NXPE4: variants seen among roughly 807,000 people sequenced by gnomAD.
The protein encoded by NXPE4 is NXPE family member 4.
NXPE4 carries 42 observed loss-of-function variants against 33.3 expected under a neutral mutation model. The observed-to-expected ratio is 1.26, with a 90% CI of 0.98 to 1.63. The LOEUF (loss-of-function observed/expected upper bound fraction) is 1.63, where lower values mean the gene tolerates loss of function less well. Ranked by LOEUF, NXPE4 falls within the 40% of genes most tolerant of loss-of-function variation. The pLI, the probability that NXPE4 is intolerant of heterozygous loss-of-function variation, is 0.00. For synonymous variants in NXPE4, 253 were observed against 234.9 expected, an observed-to-expected ratio of 1.08 and a Z score of -0.71; for missense variants, 709 against 647.6, an observed-to-expected ratio of 1.09 and a Z score of -1.03.
the NXPE4 span, among the ~76,000 whole-genome samples, chr11:114,661,661 A>G: frequency 1.3e-5 from 2 of 152,316 alleles, no homozygotes; most frequent in African/African-American, 4.8e-5. Flanking sequence ...AGGATTTTGC[A>G]TTATCTGTAT....
the NXPE4 span, among the ~76,000 whole-genome samples, chr11:114,644,270 G>A: frequency 5.3e-5 from 8 of 152,068 alleles, no homozygotes; most frequent in Non-Finnish European, 1.0e-4. Context: ...TGATTTCCCT[G>A]GCCAGAACTT....
At chr11:114,659,492 G>A in the NXPE4 span, among the ~76,000 whole-genome samples, 1 of 150,888 alleles carries the variant, frequency 6.6e-6, no homozygotes, top group African/African-American at 2.4e-5. Flanking sequence ...CCCTAGAGAT[G>A]TGAAATAATA....
chr11:114,648,083 G>A, the NXPE4 span, among the ~76,000 whole-genome samples: 2 of 152,070 alleles, frequency 1.3e-5, no homozygotes, highest in Non-Finnish European at 2.9e-5. Flanking sequence ...TCTTTGCCCT[G>A]GTTCCTGAGA....
chr11:114,592,735 A>G (rs530779390), intron 2 of NXPE4, among the ~76,000 whole-genome samples: 1 of 152,306 alleles, frequency 6.6e-6, no homozygotes, highest in East Asian at 1.9e-4. Flanking sequence ...AATTCTGAGC[A>G]AAAAGAACAA....
rs145976621 is a variant in NXPE4, at chr11:114,583,228, G to T, written c.97-207C>A. ...AGAATGGAGATTGACTGACAGGAGA[G>T]ACAGAGGGACAGGAAGTGAGCAAGA... is the stretch of plus-strand genomic sequence containing the variant. On this transcript the variant is annotated intron_variant, in intron 2 of 5. Transcript: ENST00000375478. 2.9e-3 allele frequency: 2,006 copies of T among 692,492 alleles called. 14 individuals carry two copies. The highest frequency in any genetic ancestry group is 0.013 in the Middle Eastern group (50 of 3,844). 42.9% of individuals were successfully genotyped at this position (692,492 alleles called of 1,614,324 possible).
intron 2 of NXPE4, among the ~76,000 whole-genome samples, chr11:114,592,562 T>G (rs1327050261): frequency 6.6e-6 from 1 of 151,788 alleles, no homozygotes; most frequent in Non-Finnish European, 1.5e-5. Context: ...AGATATTCCA[T>G]GTTAATGGGT....
chr11:114,668,778 A>AT, the NXPE4 span, among the ~76,000 whole-genome samples: 1 of 152,132 alleles, frequency 6.6e-6, no homozygotes, highest in Admixed American at 6.6e-5. Context: ...TTAGGACAGC[A>AT]TTTTTGGAAT....
chr11:114,599,023 T>C (rs970385117), upstream of NXPE4, among the ~76,000 whole-genome samples: 1 of 152,238 alleles, frequency 6.6e-6, no homozygotes, highest in Non-Finnish European at 1.5e-5. Context: ...TCCAAACTTT[T>C]ATACTTTGCT....
chr11:114,625,323 C>A, the NXPE4 span, among the ~76,000 whole-genome samples: 6 of 151,236 alleles, frequency 4.0e-5, no homozygotes, highest in African/African-American at 1.5e-4. Flanking sequence ...AAGTGTTGCA[C>A]TGTGGGTAAC....
the NXPE4 span, among the ~76,000 whole-genome samples, chr11:114,632,977 T>G: frequency 1.9e-5 from 2 of 103,714 alleles, no homozygotes; most frequent in Non-Finnish European, 3.4e-5. Flanking sequence ...TATTATATAT[T>G]ATATATTTTT....
At chr11:114,622,853 G>A in the NXPE4 span, among the ~76,000 whole-genome samples, 1 of 151,660 alleles carries the variant, frequency 6.6e-6, no homozygotes, top group Non-Finnish European at 1.5e-5. Context: ...ATTGCTTCAT[G>A]GGATACCACT....
chr11:114,629,619 G>T, the NXPE4 span, among the ~76,000 whole-genome samples: 1 of 151,978 alleles, frequency 6.6e-6, no homozygotes, highest in Non-Finnish European at 1.5e-5. Context: ...ACAAGACAGG[G>T]ATGCCCTCTC....
chr11:114,641,351 T>C, the NXPE4 span, among the ~76,000 whole-genome samples: 3 of 152,016 alleles, frequency 2.0e-5, no homozygotes, highest in Non-Finnish European at 4.4e-5. Flanking sequence ...CAAGTACACA[T>C]GAAACCCAAA....
At chr11:114,624,957 ACT>A in the NXPE4 span, among the ~76,000 whole-genome samples, 1 of 152,122 alleles carries the variant, frequency 6.6e-6, no homozygotes, top group East Asian at 1.9e-4. Context: ...GTGAGTAACC[ACT>A]GTCACCTTGT....
chr11:114,634,924 T>G, the NXPE4 span, among the ~76,000 whole-genome samples: 1 of 152,066 alleles, frequency 6.6e-6, no homozygotes, highest in African/African-American at 2.4e-5. Flanking sequence ...TTCTTTTGGC[T>G]TAGGATGAAC....
chr11:114,637,709 T>G, the NXPE4 span, among the ~76,000 whole-genome samples: 3 of 151,274 alleles, frequency 2.0e-5, no homozygotes, highest in Non-Finnish European at 4.4e-5. Flanking sequence ...ATTGTATTTC[T>G]CCTTCACTTA....
chr11:114,615,658 G>A, the NXPE4 span, among the ~76,000 whole-genome samples: 12 of 151,638 alleles, frequency 7.9e-5, no homozygotes, highest in Admixed American at 7.2e-4. Context: ...GGTAACCACT[G>A]TTACCCGATG....
intron 2 of NXPE4, among the ~76,000 whole-genome samples, chr11:114,594,262 T>G (rs1949527867): frequency 6.6e-6 from 1 of 152,188 alleles, no homozygotes; most frequent in South Asian, 2.1e-4. Flanking sequence ...TACTATGTAT[T>G]ATATGCTTGT....
At chr11:114,635,846 G>A in the NXPE4 span, among the ~76,000 whole-genome samples, 1 of 152,072 alleles carries the variant, frequency 6.6e-6, no homozygotes. Flanking sequence ...GCTTTTTGAT[G>A]TGTTGCTGTA....
Sources: allele counts gnomAD v4.1 joint callset (sites outside exome capture counted in the v4.1 genomes callset), GRCh38; gene constraint gnomAD v4.1.1; transcripts MANE v1.5; gene names NCBI Gene and HGNC (gene_info 2026-07-23, HGNC 2026-07-21).